NAV2: variants seen among roughly 807,000 people sequenced by gnomAD.
The protein encoded by NAV2 is helicase, APC down-regulated 1.
NAV2 carries 54 observed loss-of-function variants against 223.2 expected under a neutral mutation model. The observed-to-expected ratio is 0.24, with a 90% CI of 0.19 to 0.30. The LOEUF is 0.30. Among genes scored for constraint, NAV2 ranks in the 10% least tolerant of loss-of-function variants. NAV2 has a pLI of 1.00. For synonymous variants in NAV2, 1,279 were observed against 1,239.3 expected (o/e 1.03, Z -0.67); for missense variants, 2,806 against 3,147.5 (o/e 0.89, Z 2.60).
At chr11:19,569,658 G>C (rs2045365530) in intron 1 of NAV2, among the ~76,000 whole-genome samples, 1 of 152,134 alleles carries the variant, frequency 6.6e-6, no homozygotes. Flanking sequence ...ATAGACCTCA[G>C]TAAATGAACG....
intron 37 of NAV2, among the ~76,000 whole-genome samples, chr11:20,116,463 C>T (rs911662719): frequency 3.9e-5 from 6 of 152,164 alleles, no homozygotes; most frequent in Non-Finnish European, 5.9e-5. Context: ...TTTAAACAGC[C>T]GTTTGCAACG....
At chr11:19,347,710 C>T (rs1447198014), upstream of NAV2, among the ~76,000 whole-genome samples, 1 of 152,200 alleles carries the variant, frequency 6.6e-6, no homozygotes, top group East Asian at 1.9e-4. Flanking sequence ...GGAGAAGCTG[C>T]TGATCCATTG....
At chr11:19,929,091 CAAA>C (rs1198254283) in intron 6 of NAV2, among the ~76,000 whole-genome samples, 1 of 151,884 alleles carries the variant, frequency 6.6e-6, no homozygotes, top group Non-Finnish European at 1.5e-5. Context: ...TCCATCTCTA[CAAA>C]AAAACACACA....
chr11:19,399,592 C>T (rs1359980483), intron 1 of NAV2, among the ~76,000 whole-genome samples: 2 of 152,220 alleles, frequency 1.3e-5, no homozygotes, highest in Non-Finnish European at 2.9e-5. Flanking sequence ...AGAGCCCCCT[C>T]ATGCCCTCAG....
intron 8 of NAV2, among the ~76,000 whole-genome samples, chr11:19,943,438 G>A (rs1252247747): frequency 6.6e-6 from 1 of 152,138 alleles, no homozygotes; most frequent in Non-Finnish European, 1.5e-5. Flanking sequence ...TGGGTTAAAA[G>A]GTGGAAGGAG....
chr11:19,412,777 C>A (rs924076030), intron 1 of NAV2, among the ~76,000 whole-genome samples: 3 of 152,196 alleles, frequency 2.0e-5, no homozygotes, highest in Non-Finnish European at 4.4e-5. Flanking sequence ...GATACCCTGG[C>A]AAAGAGGGTC....
Position 19,880,051 on chromosome 11 carries a change from A to G in NAV2, c.694A>G (p.Thr232Ala). Residue 232 changes from threonine (T) to alanine (A), a missense_variant, in exon 5 of 38, where the codon ACT (threonine) becomes GCT (alanine). This residue lies in a region of NAV2 where 1,167 missense variants were observed against 1,180.5 expected (regional missense o/e 0.99). Transcript: ENST00000349880. Reference sequence around the variant, plus strand: ...CACCCCTCAGCAGCAGGTGCCAGTCACTCCCCAAGCCCCGTGCCAGCCTCA... The same window carrying G: ...CACCCCTCAGCAGCAGGTGCCAGTCGCTCCCCAAGCCCCGTGCCAGCCTCA... ...AGTPQQQVPV[T>A]PQAPCQPHQP... 5 of 1,613,230 alleles carry G rather than the reference A, an allele frequency of 3.1e-6. No individual in the cohort carries two copies. Among genetic ancestry groups the G allele is most frequent in the Non-Finnish European group, 4.2e-6 (5 of 1,179,660 alleles).
At chr11:19,393,822 A>G (rs1335365436) in intron 1 of NAV2, among the ~76,000 whole-genome samples, 1 of 151,608 alleles carries the variant, frequency 6.6e-6, no homozygotes, top group Non-Finnish European at 1.5e-5. Flanking sequence ...TTAAATTTGA[A>G]ATGTACTGGC....
chr11:19,604,412 C>A (rs926634003), intron 1 of NAV2, among the ~76,000 whole-genome samples: 7 of 151,948 alleles, frequency 4.6e-5, no homozygotes, highest in African/African-American at 1.7e-4. Flanking sequence ...AAAGAGGAGT[C>A]AAAAATGACT....
intron 1 of NAV2, among the ~76,000 whole-genome samples, chr11:19,784,874 A>G (rs772396302): frequency 6.6e-6 from 1 of 152,224 alleles, no homozygotes; most frequent in Non-Finnish European, 1.5e-5. Context: ...TAAAGAGTCA[A>G]CAGAAATTCA....
At chr11:19,425,848 T>C (rs1305818147) in intron 1 of NAV2, among the ~76,000 whole-genome samples, 1 of 152,184 alleles carries the variant, frequency 6.6e-6, no homozygotes, top group African/African-American at 2.4e-5. Context: ...ATTCTGAACA[T>C]CAATTCCCAA....
At chr11:19,785,465 A>G (rs952067850) in intron 1 of NAV2, among the ~76,000 whole-genome samples, 9 of 152,224 alleles carry the variant, frequency 5.9e-5, no homozygotes, top group Non-Finnish European at 1.3e-4. Context: ...TAATCTTTGC[A>G]TGAAACTTGT....
At chr11:19,573,281 C>T (rs1216773860) in intron 1 of NAV2, among the ~76,000 whole-genome samples, 4 of 152,162 alleles carry the variant, frequency 2.6e-5, no homozygotes, top group Non-Finnish European at 5.9e-5. Flanking sequence ...CACTTCATAC[C>T]TATCTTCTCA....
rs1016112076 is a variant in NAV2, at chr11:19,768,134, C to T, written c.267+54172C>T. Among the ~76,000 whole-genome samples the T allele has an allele frequency of 2.6e-5, 4 of 152,208 alleles. No individual in the cohort carries two copies. In the East Asian group the frequency reaches 5.8e-4, roughly 22 times the overall value. On this transcript the variant is annotated intron_variant, in intron 1 of 37. Coordinates refer to ENST00000349880, the MANE Select transcript of NAV2 (RefSeq NM_145117.5). ...CACATGTGGTTGGAACTTCTTCATC[C>T]GGGATGGGCGTCCTGCACGCACGTT...
intron 1 of NAV2, among the ~76,000 whole-genome samples, chr11:19,429,537 C>T (rs549771445): frequency 6.6e-6 from 1 of 152,298 alleles, no homozygotes; most frequent in East Asian, 1.9e-4. Flanking sequence ...GAAGTTAGAC[C>T]ACATCTCTCC....
chr11:20,045,422 T>C lies in NAV2; in HGVS notation c.3654T>C (p.Ile1218=), dbSNP rs2057333320. The change falls in exon 14 of 38, where the codon ATT becomes ATC. Residue 1218 remains isoleucine (I), a synonymous_variant. Transcript: ENST00000349880. ...GCACCAGCAGCATAGATTCCAACATTAGCAGCAAGTCCGCAGGCCTGCCAG... is the reference window on the plus strand; with the variant it reads ...GCACCAGCAGCATAGATTCCAACATCAGCAGCAAGTCCGCAGGCCTGCCAG... ...RSSTSSIDSN[I]SSKSAGLPVP... The C allele has an allele frequency of 6.2e-7, 1 of 1,613,948 alleles. No homozygotes were observed. Among genetic ancestry groups the C allele is most frequent in the African/African-American group, 1.3e-5 (1 of 74,902 alleles).
At chr11:19,427,438 T>A (rs4644624) in intron 1 of NAV2, among the ~76,000 whole-genome samples, 33,979 of 152,142 alleles carry the variant, frequency 0.22, 4,628 homozygotes, top group Non-Finnish European at 0.31. Flanking sequence ...AACCTGAACC[T>A]TTGCCTAGTT....
At chr11:20,072,037 C>T in intron 22 of NAV2, among the ~76,000 whole-genome samples, 1 of 152,086 alleles carries the variant, frequency 6.6e-6, no homozygotes, top group East Asian at 1.9e-4. Flanking sequence ...AATAGTATTG[C>T]CTAGGTTTTC....
At chr11:19,613,165 G>A (rs114934661) in intron 1 of NAV2, among the ~76,000 whole-genome samples, 236 of 152,188 alleles carry the variant, frequency 1.6e-3, no homozygotes, top group African/African-American at 5.4e-3. Flanking sequence ...CCCGCCGTGG[G>A]TCTCTCCCAC....
Sources: allele counts gnomAD v4.1 joint callset (sites outside exome capture counted in the v4.1 genomes callset), GRCh38; gene constraint gnomAD v4.1.1; regional missense constraint gnomAD v4.1.1; transcripts MANE v1.5; gene names NCBI Gene and HGNC (gene_info 2026-07-23, HGNC 2026-07-21).